NRF1: variants seen among roughly 807,000 people sequenced by gnomAD.
NRF1 encodes the protein alpha palindromic-binding protein.
A neutral mutation model predicts 58.5 loss-of-function variants in NRF1; 5 were observed. The ratio of observed to expected loss-of-function variants is 0.09; its 90% CI spans 0.04 to 0.18. The LOEUF is 0.18. Ranked by LOEUF, NRF1 falls within the 10% of genes least tolerant of loss-of-function variation. The pLI is 1.00. For missense variants in NRF1, 288 were observed against 657.7 expected, an observed-to-expected ratio of 0.44 and a Z score of 6.15; for synonymous variants, 224 against 246.7, an observed-to-expected ratio of 0.91 and a Z score of 0.86.
At chr7:129,656,720 G>A (rs1023340821) in intron 1 of NRF1, among the ~76,000 whole-genome samples, 5 of 151,960 alleles carry the variant, frequency 3.3e-5, no homozygotes, top group South Asian at 2.1e-4. Flanking sequence ...GATTACAGGC[G>A]CCCACCACCA....
chr7:129,752,407 A>C (rs1304810602), intron 10 of NRF1, among the ~76,000 whole-genome samples: 1 of 152,124 alleles, frequency 6.6e-6, no homozygotes, highest in Non-Finnish European at 1.5e-5. Context: ...CCTGTGAGAG[A>C]GTGAGGGAGA....
intron 4 of NRF1, among the ~76,000 whole-genome samples, chr7:129,681,484 G>A (rs138968571): frequency 6.6e-6 from 1 of 152,248 alleles, no homozygotes; most frequent in Non-Finnish European, 1.5e-5. Flanking sequence ...ATGGATCACG[G>A]CATTAATATC....
chr7:129,701,480 G>A (rs1427903473), intron 5 of NRF1, among the ~76,000 whole-genome samples: 1 of 151,680 alleles, frequency 6.6e-6, no homozygotes, highest in Admixed American at 6.6e-5. Flanking sequence ...CATGCCTGTA[G>A]TCCCAACTAC....
At chr7:129,618,008 G>A (rs10278897) in intron 1 of NRF1, among the ~76,000 whole-genome samples, 23,263 of 152,042 alleles carry the variant, frequency 0.15, 1,920 homozygotes, top group African/African-American at 0.23. Flanking sequence ...AGGCATTTAG[G>A]GACCATAAGA....
chr7:129,690,378 G>C (rs376438034), intron 4 of NRF1, 28 bp from the exon 5 acceptor site: 3 of 1,602,690 alleles, frequency 1.9e-6, no homozygotes, highest in Non-Finnish European at 2.6e-6. Context: ...TGGGCATCTT[G>C]TTTACTTCTG....
At chr7:129,619,413 TATATATATATATATATATATAC>T (rs1800726268) in intron 1 of NRF1, among the ~76,000 whole-genome samples, 2 of 96,420 alleles carry the variant, frequency 2.1e-5, no homozygotes, top group Admixed American at 1.1e-4. Context: ...TATATATATA[TATATATATATATATATATATAC>T]ACACACACAC....
chr7:129,639,695 A>T (rs190196369), intron 1 of NRF1, among the ~76,000 whole-genome samples: 213 of 151,732 alleles, frequency 1.4e-3, no homozygotes, highest in African/African-American at 5.0e-3. Flanking sequence ...TTATAGGTGC[A>T]TGCCACCACA....
intron 1 of NRF1, among the ~76,000 whole-genome samples, chr7:129,643,180 A>G (rs1455410171): frequency 1.3e-5 from 2 of 152,194 alleles, no homozygotes; most frequent in East Asian, 1.9e-4. Flanking sequence ...ATCCAGAAAC[A>G]AATCCTTAGT....
intron 1 of NRF1, among the ~76,000 whole-genome samples, chr7:129,656,249 T>G (rs556765650): frequency 1.3e-5 from 2 of 152,172 alleles, no homozygotes; most frequent in Non-Finnish European, 2.9e-5. Flanking sequence ...GTTATATAAA[T>G]TATGACACAT....
At chr7:129,675,131 C>T (rs535592624) in intron 3 of NRF1, among the ~76,000 whole-genome samples, 16 of 152,244 alleles carry the variant, frequency 1.1e-4, no homozygotes, top group African/African-American at 3.4e-4. Context: ...CTCAGGAAAC[C>T]GCTTTCTTTG....
chr7:129,681,738 T>A (rs1802315442), intron 4 of NRF1, among the ~76,000 whole-genome samples: 1 of 151,884 alleles, frequency 6.6e-6, no homozygotes. Flanking sequence ...CACACCCAGC[T>A]AAGATAAGAA....
intron 5 of NRF1, among the ~76,000 whole-genome samples, chr7:129,698,730 G>A (rs930366675): frequency 1.3e-5 from 2 of 152,182 alleles, no homozygotes; most frequent in Admixed American, 6.5e-5. Flanking sequence ...GGTCTGGAAT[G>A]GGCCTGAGGT....
intron 2 of NRF1, among the ~76,000 whole-genome samples, chr7:129,663,273 G>A (rs1028992822): frequency 1.3e-5 from 2 of 150,926 alleles, no homozygotes; most frequent in African/African-American, 4.9e-5. Context: ...CTGTCTCTTC[G>A]GAGCTGTTGG....
At position 129,741,556 on chromosome 7, in the gene NRF1, A is replaced by G. The variant is rs992646913; in HGVS notation, c.1349-13462A>G. 1.3e-5 allele frequency among the ~76,000 whole-genome samples: 2 copies of G among 152,182 alleles called. No individual in the cohort carries two copies. Among genetic ancestry groups the G allele is most frequent in the Admixed American group, 1.3e-4 (2 of 15,278 alleles). The stretch of plus-strand genomic sequence containing the variant: ...AATTGGAGTCATTTCTATTCAATAC[A>G]TGGATGGCAAAGTGGGTTTTAATTG... On this transcript the variant is annotated intron_variant, in intron 10 of 10. Coordinates refer to ENST00000393232, the MANE Select transcript of NRF1 (RefSeq NM_005011.5). This position sits in a 1 kb window ranked among gnomAD's most constrained non-coding sequence, Gnocchi z 4.0.
rs1161934358 is a variant in NRF1, at chr7:129,662,761, TTTA to T, written c.223+5190_223+5192del. On this transcript the variant is annotated intron_variant, in intron 2 of 10. Transcript: ENST00000393232. ...TAAGGTTTATTTATTTATTTATTTA[TTTA>T]TTTTAGTATTTATTGATCATTCTTG... 1.5e-4 allele frequency among the ~76,000 whole-genome samples: 23 copies of T among 152,062 alleles called. 1 individual carries two copies. Among genetic ancestry groups the T allele is most frequent in the Admixed American group, 5.9e-4 (9 of 15,274 alleles).
chr7:129,719,737 T>G (rs1803277104), intron 9 of NRF1, among the ~76,000 whole-genome samples: 1 of 152,062 alleles, frequency 6.6e-6, no homozygotes, highest in Non-Finnish European at 1.5e-5. Flanking sequence ...ACCCCTCTCT[T>G]TGAGAGAAAC....
At chr7:129,616,209 A>G (rs1346625440) in intron 1 of NRF1, among the ~76,000 whole-genome samples, 5 of 152,342 alleles carry the variant, frequency 3.3e-5, no homozygotes, top group Middle Eastern at 3.4e-3. Context: ...TAAAATGTGA[A>G]CATTTATGTG....
chr7:129,746,980 G>C (rs901772268), intron 10 of NRF1, among the ~76,000 whole-genome samples: 1 of 152,188 alleles, frequency 6.6e-6, no homozygotes, highest in Non-Finnish European at 1.5e-5. Flanking sequence ...CAGACTGTGA[G>C]GGCAAATGAA....
chr7:129,695,586 A>C lies in NRF1; in HGVS notation c.606+5040A>C, dbSNP rs1305809108. Among the ~76,000 whole-genome samples, 15 of 150,722 alleles carry C rather than the reference A, an allele frequency of 1.0e-4. 1 individual carries two copies. The highest frequency in any genetic ancestry group is 9.2e-4 in the Admixed American group (14 of 15,142). On this transcript the variant is annotated intron_variant, in intron 5 of 10. Transcript: ENST00000393232. The stretch of plus-strand genomic sequence containing the variant: ...GCAAGACTCGATCTCAAAAAAAAAA[A>C]AACAAAAAAAACTGATTGTAAAGTA...
Sources: allele counts gnomAD v4.1 joint callset (sites outside exome capture counted in the v4.1 genomes callset), GRCh38; gene constraint gnomAD v4.1.1; non-coding constraint Gnocchi (gnomAD v3.1); transcripts MANE v1.5; gene names NCBI Gene and HGNC (gene_info 2026-07-23, HGNC 2026-07-21).